The following SARS2 variants were observed in gnomAD, a reference collection of about 807,000 sequenced individuals.
The protein encoded by SARS2 is serine--tRNA ligase, mitochondrial.
SARS2 carries 52 observed loss-of-function variants against 66.8 expected under a neutral mutation model. The ratio of observed to expected loss-of-function variants is 0.78; its 90% CI spans 0.62 to 0.98. SARS2 has a LOEUF of 0.98. Among genes scored for constraint, SARS2 ranks in the 50% least tolerant of loss-of-function variants. The pLI, the probability that SARS2 is intolerant of heterozygous loss-of-function variation, is 0.00. For missense variants in SARS2, 673 were observed against 706.3 expected (o/e 0.95, Z 0.53); for synonymous variants, 306 against 281.4 (o/e 1.09, Z -0.87).
Position 38,920,966 on chromosome 19 carries a change from TAC to T in SARS2, c.589+424_589+425del, listed in dbSNP as rs1194187837. ...ACACACACACAGACACAGACACAGA[TAC>T]AGACACACACAAACACAGACACACA... On this transcript the variant is annotated intron_variant, in intron 5 of 15. Transcript: ENST00000221431. Among the ~76,000 whole-genome samples the T allele has an allele frequency of 8.7e-5, 11 of 126,394 alleles. 2 individuals are homozygous for T. The highest frequency in any genetic ancestry group is 4.3e-3 in the Middle Eastern group (1 of 230). The allele number at this position is 126,394 out of a possible 152,430, so 82.9% of individuals were successfully genotyped here.
intron 1 of SARS2, among the ~76,000 whole-genome samples, chr19:38,929,014 C>T (rs1030230561): frequency 3.9e-5 from 6 of 152,008 alleles, no homozygotes; most frequent in African/African-American, 1.2e-4. Flanking sequence ...GTCAAGAGTT[C>T]GAGACCAGCC....
chr19:38,918,853 C>T (rs367898096), intron 7 of SARS2, 40 bp from the exon 8 acceptor site: 224 of 1,544,940 alleles, frequency 1.4e-4, no homozygotes, highest in Non-Finnish European at 1.8e-4. Flanking sequence ...GCTGGGACCC[C>T]TACCAGACCC....
At chr19:38,918,064 G>A (rs1180584003) in intron 10 of SARS2, 30 bp downstream of exon 10, 1 of 1,604,906 alleles carries the variant, frequency 6.2e-7, no homozygotes, top group Admixed American at 1.7e-5. Flanking sequence ...GTCACAGGTG[G>A]GGTCAAGGTC....
At chr19:38,921,914 C>A (rs577139776) in intron 3 of SARS2, 7 of 1,480,212 alleles carry the variant, frequency 4.7e-6, no homozygotes, top group African/African-American at 4.2e-5. Flanking sequence ...GAGACAGGCA[C>A]CTGATGTCAG....
At chr19:38,917,276 T>C (rs979213687) in intron 12 of SARS2, among the ~76,000 whole-genome samples, 5 of 152,230 alleles carry the variant, frequency 3.3e-5, no homozygotes, top group Non-Finnish European at 7.3e-5. Flanking sequence ...CCCAGTTTTT[T>C]ACAATGGGTC....
chr19:38,928,429 A>AC (rs1974668456), intron 1 of SARS2: 7 of 9,524 alleles, frequency 7.3e-4, no homozygotes, highest in South Asian at 4.7e-3. Flanking sequence ...CCCCCCCCGC[A>AC]AAAAAAAAAA....
intron 5 of SARS2, among the ~76,000 whole-genome samples, chr19:38,920,860 C>G (rs1239154380): frequency 1.3e-4 from 19 of 151,174 alleles, no homozygotes. Context: ...CAGATACATA[C>G]ACACAGATAC....
At chr19:38,919,900 G>C (rs1297892416) in intron 6 of SARS2, 33 bp from the exon 7 acceptor site, 1 of 1,582,430 alleles carries the variant, frequency 6.3e-7, no homozygotes, top group Non-Finnish European at 8.7e-7. Context: ...GGTGCACATG[G>C]GCCAGGCTGG....
chr19:38,920,058 G>C, intron 6 of SARS2, 28 bp downstream of exon 6: 1 of 1,549,126 alleles, frequency 6.5e-7, no homozygotes, highest in Non-Finnish European at 8.8e-7. Context: ...CTGGGAGAGG[G>C]GCGTGGGGAG....
chr19:38,920,238 G>T, intron 5 of SARS2, 89 bp from the exon 6 acceptor site: 1 of 1,030,278 alleles, frequency 9.7e-7, no homozygotes, highest in Non-Finnish European at 1.5e-6. Context: ...CAGAGAGGAG[G>T]GACGGTGAGA....
rs200734961 is a variant in SARS2, at chr19:38,922,219, C to A, written c.393+19G>T. ...TGCCCACCCCCAACCCTGGATAGGA[C>A]ATCAACTCTTCACAGTACCTGCTGC... is the stretch of plus-strand genomic sequence containing the variant. On this transcript the variant is annotated intron_variant, in intron 3 of 15. Coordinates refer to ENST00000221431, the MANE Select transcript of SARS2 (RefSeq NM_017827.4). The A allele has an allele frequency of 3.1e-6, 5 of 1,613,772 alleles. No individual in the cohort carries two copies. The East Asian group carries it at 1.1e-4, about 36-fold the overall frequency.
chr19:38,916,459 C>G (rs1974420220), intron 12 of SARS2, 145 bp from the exon 13 acceptor site: 1 of 667,806 alleles, frequency 1.5e-6, no homozygotes. Flanking sequence ...ATAAGGAGAC[C>G]TCATCTACTC....
chr19:38,921,064 T>C (rs796080424), intron 5 of SARS2, among the ~76,000 whole-genome samples: 2 of 84,244 alleles, frequency 2.4e-5, no homozygotes, highest in Non-Finnish European at 4.0e-5. Flanking sequence ...GACACACACA[T>C]ACAGATACAG....
intron 12 of SARS2, among the ~76,000 whole-genome samples, chr19:38,917,105 G>C (rs187219754): frequency 6.6e-6 from 1 of 151,986 alleles, no homozygotes; most frequent in Admixed American, 6.6e-5. Context: ...TGGGACCACA[G>C]GTGTGTGCCA....
In SARS2 at chr19:38,916,089, C is replaced by T. The variant is rs868274394; in HGVS notation, c.1295G>A (p.Arg432His). The change falls in exon 14 of 16, where the codon CGC (arginine) becomes CAC (histidine). Residue 432 changes from arginine to histidine, a missense_variant. Physicochemically the swap from Arg to His is conservative, Grantham distance 29. Coordinates refer to ENST00000221431, the MANE Select transcript of SARS2 (RefSeq NM_017827.4). ...ASNCTDFQSRRLHIMFQTEAG... is the reference protein window; with the variant it reads ...ASNCTDFQSRHLHIMFQTEAG... ...CTCGGTCTGGAACATGATGTGGAGG[C>T]GGCGGCTCTGGAAGTCTGTGCAGTT... 6.8e-6 allele frequency: 11 copies of T among 1,613,768 alleles called. No homozygotes were observed. Among genetic ancestry groups the T allele is most frequent in the African/African-American group, 1.3e-5 (1 of 74,916 alleles).
At chr19:38,926,151 T>C in intron 2 of SARS2, 54 bp downstream of exon 2, 1 of 1,418,362 alleles carries the variant, frequency 7.1e-7, no homozygotes, top group Non-Finnish European at 9.9e-7. Flanking sequence ...CTGTTACCTG[T>C]GTCTAGAGAC....
chr19:38,927,474 T>C (rs1424037126), intron 1 of SARS2, among the ~76,000 whole-genome samples: 2 of 151,424 alleles, frequency 1.3e-5, no homozygotes, highest in Non-Finnish European at 2.9e-5. Context: ...GTTGGAGGAT[T>C]GCTTGTGCTT....
intron 5 of SARS2, among the ~76,000 whole-genome samples, chr19:38,921,070 T>TACACACAC (rs200809697): frequency 2.9e-5 from 2 of 68,770 alleles, no homozygotes; most frequent in South Asian, 1.2e-3. Context: ...CACATACAGA[T>TACACACAC]ACAGACACAC....
intron 5 of SARS2, among the ~76,000 whole-genome samples, chr19:38,921,015 A>C (rs1019071489): frequency 2.5e-4 from 7 of 27,900 alleles, no homozygotes; most frequent in African/African-American, 5.1e-4. Context: ...AGACACACAC[A>C]GATACACAGA....
Sources: gnomAD v4.1 joint callset for allele counts (sites outside exome capture counted in the v4.1 genomes callset) on GRCh38, gnomAD v4.1.1 for gene constraint, MANE v1.5 for transcripts, NCBI Gene and HGNC (gene_info 2026-07-23, HGNC 2026-07-21) for gene names.